The following CTBP2 variants were observed in gnomAD, a reference collection of about 807,000 sequenced individuals.
The protein encoded by CTBP2 is C-terminal-binding protein 2.
A neutral mutation model predicts 80.3 loss-of-function variants in CTBP2; 30 were observed. That is an observed-to-expected ratio of 0.37 (90% CI 0.28 to 0.51). The LOEUF is 0.51. CTBP2 is among the 20% of genes least tolerant of loss of function. CTBP2 has a pLI of 0.93. For synonymous variants in CTBP2, 594 were observed against 587.4 expected, an observed-to-expected ratio of 1.01 and a Z score of -0.16; for missense variants, 1,212 against 1,375.3, an observed-to-expected ratio of 0.88 and a Z score of 1.88.
At chr10:125,003,872 C>A (rs1263651827) in intron 1 of CTBP2, among the ~76,000 whole-genome samples, 1 of 152,144 alleles carries the variant, frequency 6.6e-6, no homozygotes, top group Non-Finnish European at 1.5e-5. Context: ...GGGGATAAGG[C>A]GTGTGCGTCC....
chr10:125,083,595 CA>C (rs1348471417), intron 2 of CTBP2, among the ~76,000 whole-genome samples: 1 of 152,186 alleles, frequency 6.6e-6, no homozygotes, highest in Non-Finnish European at 1.5e-5. Flanking sequence ...CCTCTGTTTG[CA>C]CCTTAGTCCG....
upstream of CTBP2, chr10:125,032,678 C>T (rs532520045): frequency 8.4e-5 from 13 of 154,682 alleles, no homozygotes; most frequent in African/African-American, 2.2e-4. Flanking sequence ...CCATTCATCA[C>T]GTGCTTTTCA....
rs1353815688 is a variant in CTBP2 at position 124,998,141 on chromosome 10, C to T, written c.2008G>A (p.Ala670Thr). The change falls in exon 4 of 9, where the codon GCC becomes ACC. Residue 670 changes from alanine (A) to threonine (T), a missense_variant. Around this residue, in one of 3 missense-constraint regions of CTBP2, gnomAD observed 335 missense variants for 504.7 expected, o/e 0.66. Coordinates refer to ENST00000309035, the MANE Select transcript of CTBP2 (RefSeq NM_022802.3). Reference sequence around the variant, plus strand: ...GTAGAGTCCGCTGTCTCTTCCACGGCTGCAGACGGGATGTTGCACACGGCA... The same window carrying T: ...GTAGAGTCCGCTGTCTCTTCCACGGTTGCAGACGGGATGTTGCACACGGCA... The T allele has an allele frequency of 1.2e-6, 2 of 1,610,476 alleles. No homozygotes were observed. The highest frequency in any genetic ancestry group is 2.2e-5 in the South Asian group (2 of 90,334).
chr10:125,141,590 C>T (rs1187790832), intron 1 of CTBP2, among the ~76,000 whole-genome samples: 4 of 152,132 alleles, frequency 2.6e-5, no homozygotes, highest in Admixed American at 2.6e-4. Flanking sequence ...GAGCACGGAA[C>T]AGGAAGCAGG....
chr10:124,986,201 A>T lies in CTBP2; in HGVS notation c.*3317T>A, dbSNP rs1359138212. ...TAAAAATTTCAGACCTATCTCAGGA[A>T]CACAGAAATATTTGGTGTCCTGATA... On this transcript the variant is annotated 3_prime_UTR_variant, in exon 9 of 9. Transcript: ENST00000309035. 1 of 152,342 alleles carries T rather than the reference A, an allele frequency of 6.6e-6. No individual in the cohort carries two copies. The highest frequency in any genetic ancestry group is 2.1e-4 in the South Asian group (1 of 4,832). 9.4% of individuals were successfully genotyped at this position (152,342 alleles called of 1,614,324 possible).
rs75890247 is a variant in CTBP2, at chr10:125,013,853, C to T, written c.1679-10361G>A. 4.0e-3 allele frequency among the ~76,000 whole-genome samples: 616 copies of T among 152,342 alleles called. 10 individuals carry two copies. Among genetic ancestry groups the T allele is most frequent in the African/African-American group, 0.014 (600 of 41,590 alleles). On this transcript the variant is annotated intron_variant, in intron 1 of 8. Coordinates refer to ENST00000309035, the MANE Select transcript of CTBP2 (RefSeq NM_022802.3). Reference sequence around the variant, plus strand: ...CAACAAGCTCTGGACACTGGAAAGACAGACATCATCAGGCCTGGCCCTAGG... The same window carrying T: ...CAACAAGCTCTGGACACTGGAAAGATAGACATCATCAGGCCTGGCCCTAGG...
At chr10:125,129,426 G>C (rs1855788680) in intron 1 of CTBP2, among the ~76,000 whole-genome samples, 1 of 152,074 alleles carries the variant, frequency 6.6e-6, no homozygotes, top group Non-Finnish European at 1.5e-5. Flanking sequence ...CTTCCTCTAA[G>C]TTTTACCTCA....
chr10:125,162,136 A>G (rs1861934826), upstream of CTBP2, among the ~76,000 whole-genome samples: 1 of 152,202 alleles, frequency 6.6e-6, no homozygotes, highest in Non-Finnish European at 1.5e-5. Context: ...CTGAGCCCTT[A>G]GGATCGATTT....
At chr10:125,124,940 C>T (rs1311266459) in intron 1 of CTBP2, among the ~76,000 whole-genome samples, 1 of 152,158 alleles carries the variant, frequency 6.6e-6, no homozygotes, top group Non-Finnish European at 1.5e-5. Flanking sequence ...GCATTTATCT[C>T]GATGAAGTAT....
At chr10:125,113,467 CAG>C (rs1852648340) in intron 1 of CTBP2, among the ~76,000 whole-genome samples, 1 of 152,176 alleles carries the variant, frequency 6.6e-6, no homozygotes, top group Admixed American at 6.5e-5. Context: ...AACTGCAAAA[CAG>C]AATTTATACT....
chr10:125,124,852 G>C (rs1854958256), intron 1 of CTBP2, among the ~76,000 whole-genome samples: 1 of 152,214 alleles, frequency 6.6e-6, no homozygotes, highest in Admixed American at 6.5e-5. Flanking sequence ...ACCTTCAAAA[G>C]GGGATGGCAG....
rs958946147 is a variant in CTBP2 at position 125,066,456 on chromosome 10, G to T, written c.-101-27301C>A. On this transcript the variant is annotated intron_variant, in intron 2 of 10. Coordinates refer to the CTBP2 transcript ENST00000337195. This position sits in a 1 kb window ranked among gnomAD's most constrained non-coding sequence, Gnocchi z 4.1. ...CGGAAGGCAAGCAGGGTGCGCAGATGTAACGGGGGAAGCAGGCACGGCCAA... is the reference window on the plus strand; with the variant it reads ...CGGAAGGCAAGCAGGGTGCGCAGATTTAACGGGGGAAGCAGGCACGGCCAA... Among the ~76,000 whole-genome samples the T allele has an allele frequency of 6.6e-6, 1 of 152,228 alleles. No homozygotes were observed. Among genetic ancestry groups the T allele is most frequent in the African/African-American group, 2.4e-5 (1 of 41,470 alleles).
intron 1 of CTBP2, among the ~76,000 whole-genome samples, chr10:125,151,002 A>G (rs572015855): frequency 6.6e-6 from 1 of 150,956 alleles, no homozygotes; most frequent in South Asian, 2.1e-4. Flanking sequence ...CACAGGTGAT[A>G]GTTAGTCACT....
At chr10:125,079,151 A>G (rs113343788) in intron 2 of CTBP2, among the ~76,000 whole-genome samples, 3 of 11,238 alleles carry the variant, frequency 2.7e-4, no homozygotes, top group African/African-American at 1.3e-3. Flanking sequence ...TGTCTCGAGG[A>G]AAAAAAAAAA....
chr10:124,995,122 T>A (rs1420761378), intron 4 of CTBP2, among the ~76,000 whole-genome samples: 1 of 152,124 alleles, frequency 6.6e-6, no homozygotes, highest in South Asian at 2.1e-4. Flanking sequence ...CAGGGAGTAA[T>A]GTCCTGCCTC....
intron 1 of CTBP2, among the ~76,000 whole-genome samples, chr10:125,020,786 T>G (rs1249048917): frequency 6.6e-6 from 1 of 152,198 alleles, no homozygotes; most frequent in East Asian, 1.9e-4. Context: ...GCATCCACGT[T>G]ACTCTCTGGC....
chr10:125,091,355 G>A (rs1298879548), intron 2 of CTBP2, among the ~76,000 whole-genome samples: 1 of 152,148 alleles, frequency 6.6e-6, no homozygotes, highest in Non-Finnish European at 1.5e-5. Flanking sequence ...CAGTATCTGA[G>A]GACTGGGGAG....
intron 2 of CTBP2, among the ~76,000 whole-genome samples, chr10:125,071,802 C>T (rs1457579417): frequency 6.6e-6 from 1 of 152,132 alleles, no homozygotes; most frequent in African/African-American, 2.4e-5. Flanking sequence ...TACCACCACC[C>T]CCAAACATTC....
chr10:124,989,952 G>A lies in CTBP2; in HGVS notation c.2778-254C>T, dbSNP rs958501215. Among the ~76,000 whole-genome samples the A allele has an allele frequency of 1.3e-4, 19 of 151,966 alleles. No individual in the cohort carries two copies. In the East Asian group the frequency reaches 3.5e-3, roughly 28 times the overall value. On this transcript the variant is annotated intron_variant, in intron 8 of 8. Coordinates refer to ENST00000309035, the MANE Select transcript of CTBP2 (RefSeq NM_022802.3). The stretch of plus-strand genomic sequence containing the variant: ...GCGGTTTTGCCAGACTGCCCAGGCT[G>A]GTCTCAAACTCTTGAGCTCAAGTGA...
Sources: gnomAD v4.1 joint callset for allele counts (sites outside exome capture counted in the v4.1 genomes callset) on GRCh38, gnomAD v4.1.1 for gene constraint, gnomAD v4.1.1 regional missense constraint, Gnocchi (gnomAD v3.1) non-coding constraint, MANE v1.5 for transcripts, NCBI Gene and HGNC (gene_info 2026-07-23, HGNC 2026-07-21) for gene names.